The following CTNND2 variants were observed in gnomAD, a reference collection of about 807,000 sequenced individuals.
The protein encoded by CTNND2 is catenin delta 2, also known as catenin delta-2.
Under a neutral mutation model 144.4 loss-of-function variants are expected in CTNND2, and 22 were observed. The observed-to-expected ratio is 0.15, with a 90% confidence interval of 0.11 to 0.22. CTNND2 has a LOEUF of 0.22. Among genes scored for constraint, CTNND2 ranks in the 10% least tolerant of loss-of-function variants. The probability of loss-of-function intolerance (pLI) is 1.00; values close to 1 mark genes in which losing one functional copy is unlikely to be tolerated. For missense variants in CTNND2, 1,353 were observed against 1,618.8 expected, an observed-to-expected ratio of 0.84 and a Z score of 2.82; for synonymous variants, 751 against 695.6, an observed-to-expected ratio of 1.08 and a Z score of -1.25.
At chr5:11,004,415 C>T (rs1472328870) in intron 18 of CTNND2, among the ~76,000 whole-genome samples, 5 of 152,180 alleles carry the variant, frequency 3.3e-5, no homozygotes, top group Admixed American at 2.6e-4. Flanking sequence ...GGAACAAATT[C>T]GATGTTTACG....
rs1475836694 is a variant in CTNND2 at position 10,992,758 on chromosome 5, C to G, written c.3085-81G>C. The G allele has an allele frequency of 5.2e-6, 8 of 1,540,600 alleles. No individual in the cohort carries two copies. The Admixed American group carries it at 9.3e-5, about 18-fold the overall frequency. On this transcript the variant is annotated intron_variant, in intron 18 of 21. Coordinates refer to ENST00000304623, the MANE Select transcript of CTNND2 (RefSeq NM_001332.4). Reference sequence around the variant, plus strand: ...CCGGACATTTTTAAGTTCCAAGTATCTGGATTTGCATAATATTTCTATGGT... The same window carrying G: ...CCGGACATTTTTAAGTTCCAAGTATGTGGATTTGCATAATATTTCTATGGT...
chr5:11,627,545 T>C (rs1781218736), intron 2 of CTNND2, among the ~76,000 whole-genome samples: 1 of 152,024 alleles, frequency 6.6e-6, no homozygotes, highest in Admixed American at 6.6e-5. Flanking sequence ...GAAAAAAAAT[T>C]ACTATGGGTA....
intron 3 of CTNND2, among the ~76,000 whole-genome samples, chr5:11,462,481 T>G (rs61758948): frequency 0.022 from 3,324 of 152,138 alleles, 131 homozygotes; most frequent in African/African-American, 0.076. Context: ...AGGAGTCCGA[T>G]AGTGTCATTA....
chr5:11,195,371 G>C (rs1736758976), intron 11 of CTNND2, among the ~76,000 whole-genome samples: 1 of 152,164 alleles, frequency 6.6e-6, no homozygotes, highest in South Asian at 2.1e-4. Flanking sequence ...ACTTATGAGA[G>C]AGAAAAACAA....
intron 1 of CTNND2, among the ~76,000 whole-genome samples, chr5:11,762,951 T>G (rs747601076): frequency 9.2e-5 from 14 of 152,182 alleles, no homozygotes; most frequent in African/African-American, 1.4e-4. Flanking sequence ...TGTGTCCCCA[T>G]GCAAATCTCA....
chr5:11,869,226 G>T (rs1479143473), intron 1 of CTNND2, among the ~76,000 whole-genome samples: 3 of 152,082 alleles, frequency 2.0e-5, no homozygotes, highest in Non-Finnish European at 4.4e-5. Context: ...CCACTCTTAG[G>T]TATATACCCA....
At chr5:11,684,474 T>C (rs182433291) in intron 2 of CTNND2, among the ~76,000 whole-genome samples, 1 of 152,296 alleles carries the variant, frequency 6.6e-6, no homozygotes, top group East Asian at 1.9e-4. Flanking sequence ...TATTGTTTCA[T>C]TGAAAAAAAT....
At chr5:11,193,996 G>C (rs913002943) in intron 11 of CTNND2, among the ~76,000 whole-genome samples, 9 of 152,186 alleles carry the variant, frequency 5.9e-5, no homozygotes, top group Admixed American at 4.6e-4. Flanking sequence ...CACTGTATGA[G>C]TTCTGAACTC....
chr5:11,537,299 C>T (rs1008595689), intron 3 of CTNND2, among the ~76,000 whole-genome samples: 2 of 152,134 alleles, frequency 1.3e-5, no homozygotes, highest in African/African-American at 4.8e-5. Flanking sequence ...GGTTCATAAT[C>T]TTTATAATAT....
chr5:11,511,085 G>A (rs559802095), intron 3 of CTNND2, among the ~76,000 whole-genome samples: 5 of 152,256 alleles, frequency 3.3e-5, no homozygotes, highest in African/African-American at 1.2e-4. Flanking sequence ...TGCTAATGAG[G>A]CCTTGCACAG....
At chr5:11,871,865 G>A (rs1413031717) in intron 1 of CTNND2, among the ~76,000 whole-genome samples, 1 of 152,050 alleles carries the variant, frequency 6.6e-6, no homozygotes, top group Non-Finnish European at 1.5e-5. Context: ...AGTTTTAGGG[G>A]GAGGCGTAAA....
intron 1 of CTNND2, among the ~76,000 whole-genome samples, chr5:11,792,388 T>C (rs550050475): frequency 6.6e-6 from 1 of 152,320 alleles, no homozygotes; most frequent in African/African-American, 2.4e-5. Flanking sequence ...AATTTGTAAC[T>C]AGCAAAACTA....
At chr5:11,211,674 C>A (rs149696029) in intron 10 of CTNND2, among the ~76,000 whole-genome samples, 218 of 152,296 alleles carry the variant, frequency 1.4e-3, no homozygotes, top group African/African-American at 4.7e-3. Flanking sequence ...ATTTAAATTT[C>A]TATGTTACTG....
intron 3 of CTNND2, among the ~76,000 whole-genome samples, chr5:11,548,978 C>G (rs1250052271): frequency 6.6e-6 from 1 of 152,178 alleles, no homozygotes; most frequent in Non-Finnish European, 1.5e-5. Context: ...GCTTAAAATG[C>G]ACTTCTGCAT....
intron 18 of CTNND2, among the ~76,000 whole-genome samples, chr5:10,994,090 A>C (rs1194883149): frequency 6.6e-6 from 1 of 150,794 alleles, no homozygotes; most frequent in African/African-American, 2.4e-5. Flanking sequence ...TGCATTCTAC[A>C]GGAAGAATTT....
At chr5:11,772,287 TC>T (rs1789993777) in intron 1 of CTNND2, among the ~76,000 whole-genome samples, 1 of 152,206 alleles carries the variant, frequency 6.6e-6, no homozygotes, top group African/African-American at 2.4e-5. Context: ...TTTTTACACT[TC>T]GCATTAGATC....
intron 1 of CTNND2, among the ~76,000 whole-genome samples, chr5:11,848,126 T>C (rs1794832194): frequency 6.6e-6 from 1 of 152,142 alleles, no homozygotes; most frequent in Admixed American, 6.6e-5. Flanking sequence ...CCCTCTATTC[T>C]TTACACTTTA....
At chr5:11,122,340 A>T (rs558567470) in intron 12 of CTNND2, among the ~76,000 whole-genome samples, 83 of 152,192 alleles carry the variant, frequency 5.5e-4, no homozygotes, top group African/African-American at 1.8e-3. Context: ...GATTGTTCAC[A>T]AGTTTGTGGC....
intron 18 of CTNND2, among the ~76,000 whole-genome samples, chr5:11,009,032 A>T (rs1456249527): frequency 6.6e-6 from 1 of 152,212 alleles, no homozygotes; most frequent in East Asian, 1.9e-4. Flanking sequence ...TATATTCATA[A>T]AGTGTACTCT....
Sources: allele counts gnomAD v4.1 joint callset (sites outside exome capture counted in the v4.1 genomes callset), GRCh38; gene constraint gnomAD v4.1.1; transcripts MANE v1.5; gene names NCBI Gene and HGNC (gene_info 2026-07-23, HGNC 2026-07-21).